Variants in NRXN3 observed in about 807,000 individuals in gnomAD.
The protein encoded by NRXN3 is neurexin 3.
NRXN3 carries 32 observed loss-of-function variants against 137.6 expected under a neutral mutation model. That is an observed-to-expected ratio of 0.23 (90% CI 0.18 to 0.31). NRXN3 has a LOEUF of 0.31. Among genes scored for constraint, NRXN3 ranks in the 10% least tolerant of loss-of-function variants. The pLI, the probability that NRXN3 is intolerant of heterozygous loss-of-function variation, is 1.00. For missense variants in NRXN3, 1,574 were observed against 2,062.5 expected, an observed-to-expected ratio of 0.76 and a Z score of 4.59; for synonymous variants, 798 against 784.5, an observed-to-expected ratio of 1.02 and a Z score of -0.29.
chr14:79,083,403 A>G (rs1237101191), intron 15 of NRXN3, among the ~76,000 whole-genome samples: 2 of 152,194 alleles, frequency 1.3e-5, no homozygotes, highest in East Asian at 3.9e-4. Flanking sequence ...AAAACACTGG[A>G]TTGAAAATAG....
chr14:79,131,111 C>A (rs1031819974), intron 15 of NRXN3, among the ~76,000 whole-genome samples: 12 of 152,282 alleles, frequency 7.9e-5, no homozygotes, highest in African/African-American at 2.6e-4. Flanking sequence ...AACTTCTTTG[C>A]CTTTGGTTTG....
chr14:79,726,279 C>A (rs1040259659), intron 19 of NRXN3, among the ~76,000 whole-genome samples: 2 of 152,176 alleles, frequency 1.3e-5, no homozygotes, highest in African/African-American at 4.8e-5. Context: ...TTAGTTGCTG[C>A]ACCTGGGTAA....
intron 4 of NRXN3, among the ~76,000 whole-genome samples, chr14:78,578,758 C>T (rs546271725): frequency 7.0e-4 from 107 of 152,044 alleles, no homozygotes; most frequent in Admixed American, 1.2e-3. Context: ...TGAGACTTTG[C>T]GGATCACAGA....
At chr14:79,773,098 G>C (rs1034428036) in intron 19 of NRXN3, among the ~76,000 whole-genome samples, 1 of 152,166 alleles carries the variant, frequency 6.6e-6, no homozygotes, top group Admixed American at 6.5e-5. Flanking sequence ...ATACCAGTTA[G>C]AATGGCAATC....
At chr14:78,941,921 G>A (rs2099353788) in intron 10 of NRXN3, among the ~76,000 whole-genome samples, 2 of 152,154 alleles carry the variant, frequency 1.3e-5, no homozygotes, top group Admixed American at 1.3e-4. Flanking sequence ...ACCACCATCA[G>A]CAAAAGGGGT....
intron 15 of NRXN3, among the ~76,000 whole-genome samples, chr14:79,242,006 G>A (rs369619269): frequency 2.6e-5 from 4 of 152,002 alleles, no homozygotes; most frequent in Non-Finnish European, 5.9e-5. Flanking sequence ...GGCAGAGGTT[G>A]CAGTGAGCAG....
intron 4 of NRXN3, among the ~76,000 whole-genome samples, chr14:78,461,190 CATGCAACTGTGTGAG>C (rs1320138377): frequency 6.6e-6 from 1 of 152,196 alleles, no homozygotes; most frequent in East Asian, 1.9e-4. Flanking sequence ...CATGTGTTCG[CATGCAACTGTGTGAG>C]ATGCTTTGTT....
intron 15 of NRXN3, among the ~76,000 whole-genome samples, chr14:79,209,498 C>G (rs2067315035): frequency 6.6e-6 from 1 of 152,112 alleles, no homozygotes; most frequent in African/African-American, 2.4e-5. Flanking sequence ...GACTCTCATT[C>G]CCTGTTGTCA....
intron 10 of NRXN3, among the ~76,000 whole-genome samples, chr14:78,917,141 G>C (rs945776820): frequency 6.6e-6 from 1 of 152,130 alleles, no homozygotes; most frequent in Non-Finnish European, 1.5e-5. Context: ...ATTAAGCCTG[G>C]AAGAGACCGT....
At chr14:79,205,911 C>T (rs1425286107) in intron 15 of NRXN3, among the ~76,000 whole-genome samples, 1 of 152,078 alleles carries the variant, frequency 6.6e-6, no homozygotes, top group African/African-American at 2.4e-5. Flanking sequence ...TTAGGCTCTC[C>T]CTGAATATAC....
intron 10 of NRXN3, among the ~76,000 whole-genome samples, chr14:78,827,795 G>A (rs572626713): frequency 6.6e-6 from 1 of 152,330 alleles, no homozygotes; most frequent in African/African-American, 2.4e-5. Context: ...CAGTGTCCGA[G>A]GAAAATGACA....
At chr14:78,247,256 T>C (rs2067831242) in intron 2 of NRXN3, among the ~76,000 whole-genome samples, 1 of 152,186 alleles carries the variant, frequency 6.6e-6, no homozygotes, top group Non-Finnish European at 1.5e-5. Context: ...TGCTTTGGGC[T>C]ATTTTGATTC....
chr14:79,593,715 T>C (rs2153824473), intron 16 of NRXN3, among the ~76,000 whole-genome samples: 1 of 152,180 alleles, frequency 6.6e-6, no homozygotes, highest in South Asian at 2.1e-4. Context: ...ATAGTGTTGA[T>C]TGATCCACTG....
chr14:78,304,031 G>A (rs577733684), intron 4 of NRXN3, among the ~76,000 whole-genome samples: 6 of 152,134 alleles, frequency 3.9e-5, no homozygotes, highest in African/African-American at 7.2e-5. Context: ...TATGGGGGGA[G>A]GGGAGATAGA....
At chr14:79,096,352 C>T (rs111293194) in intron 15 of NRXN3, among the ~76,000 whole-genome samples, 16 of 152,026 alleles carry the variant, frequency 1.1e-4, no homozygotes, top group Non-Finnish European at 1.9e-4. Flanking sequence ...TCAGGCAATC[C>T]GCTCACCTTG....
chr14:78,995,980 G>T (rs2099529217), intron 15 of NRXN3, among the ~76,000 whole-genome samples: 1 of 151,858 alleles, frequency 6.6e-6, no homozygotes, highest in African/African-American at 2.4e-5. Flanking sequence ...TGTACTCTGG[G>T]CCCCCGCTAA....
intron 10 of NRXN3, among the ~76,000 whole-genome samples, chr14:78,853,894 T>C (rs910459394): frequency 1.3e-5 from 2 of 152,172 alleles, no homozygotes; most frequent in African/African-American, 4.8e-5. Flanking sequence ...TATGAGAAAC[T>C]CTCATAATAA....
intron 10 of NRXN3, among the ~76,000 whole-genome samples, chr14:78,885,545 C>T (rs1199389991): frequency 6.6e-6 from 1 of 152,048 alleles, no homozygotes; most frequent in Non-Finnish European, 1.5e-5. Context: ...GACCACCCTA[C>T]CTGTAGTTGC....
chr14:79,269,825 T>C (rs2079035411), intron 15 of NRXN3, among the ~76,000 whole-genome samples: 1 of 152,114 alleles, frequency 6.6e-6, no homozygotes, highest in Admixed American at 6.6e-5. Flanking sequence ...GTATTTAAAA[T>C]AGAAACATAA....
Sources: gnomAD v4.1 joint callset for allele counts (sites outside exome capture counted in the v4.1 genomes callset) on GRCh38, gnomAD v4.1.1 for gene constraint, MANE v1.5 for transcripts, NCBI Gene and HGNC (gene_info 2026-07-23, HGNC 2026-07-21) for gene names.